Variants in KCNMA1 observed in about 807,000 individuals in gnomAD.
The protein encoded by KCNMA1 is potassium calcium-activated channel subfamily M alpha 1, also known as Calcium-activated potassium channel subunit alpha-1.
In KCNMA1, 29 loss-of-function variants were observed where a neutral mutation model predicts 140.0. That is an observed-to-expected ratio of 0.21 (90% CI 0.15 to 0.28). The LOEUF (loss-of-function observed/expected upper bound fraction) is 0.28, where lower values mean the gene tolerates loss of function less well. KCNMA1 is among the 10% of genes least tolerant of loss of function. The pLI, the probability that KCNMA1 is intolerant of heterozygous loss-of-function variation, is 1.00. For missense variants in KCNMA1, 880 were observed against 1,602.2 expected, an observed-to-expected ratio of 0.55 and a Z score of 7.70; for synonymous variants, 612 against 611.9, an observed-to-expected ratio of 1.00 and a Z score of 0.00.
At chr10:77,247,432 T>C (rs928335803) in intron 3 of KCNMA1, among the ~76,000 whole-genome samples, 2 of 152,004 alleles carry the variant, frequency 1.3e-5, no homozygotes, top group Non-Finnish European at 2.9e-5. Context: ...AGGGAGGAAA[T>C]AGACAAGGAT....
At chr10:77,037,223 ACAGGGC>A (rs1341537750) in intron 15 of KCNMA1, among the ~76,000 whole-genome samples, 1 of 152,212 alleles carries the variant, frequency 6.6e-6, no homozygotes, top group Non-Finnish European at 1.5e-5. Context: ...TCACACAACC[ACAGGGC>A]CAGGCCTGGG....
chr10:77,214,298 G>C (rs116475974), intron 3 of KCNMA1, among the ~76,000 whole-genome samples: 3,056 of 152,132 alleles, frequency 0.02, 106 homozygotes, highest in African/African-American at 0.07. Flanking sequence ...GCACCATCAG[G>C]CTCAGTGGAT....
intron 3 of KCNMA1, among the ~76,000 whole-genome samples, chr10:77,205,830 T>C (rs771112213): frequency 2.6e-5 from 4 of 152,214 alleles, no homozygotes; most frequent in African/African-American, 9.7e-5. Flanking sequence ...TTTTTAAAAG[T>C]CTATGAAATT....
chr10:77,506,596 A>AGTGTGTGTGTGTGTGT (rs796386759), intron 1 of KCNMA1, among the ~76,000 whole-genome samples: 7 of 83,564 alleles, frequency 8.4e-5, no homozygotes, highest in African/African-American at 5.2e-4. Context: ...AGAGAGAGAG[A>AGTGTGTGTGTGTGTGT]GTGTGTGTGT....
intron 1 of KCNMA1, among the ~76,000 whole-genome samples, chr10:77,535,513 T>C (rs538049724): frequency 6.6e-6 from 1 of 152,070 alleles, no homozygotes; most frequent in South Asian, 2.1e-4. Context: ...AAAATAGAAT[T>C]ACCATATGAT....
chr10:77,608,565 T>A (rs1013456129), intron 1 of KCNMA1, among the ~76,000 whole-genome samples: 1 of 152,060 alleles, frequency 6.6e-6, no homozygotes, highest in African/African-American at 2.4e-5. Context: ...GTCCATAGTC[T>A]CTCATCACAC....
At chr10:77,554,028 C>T in intron 1 of KCNMA1, among the ~76,000 whole-genome samples, 1 of 151,664 alleles carries the variant, frequency 6.6e-6, no homozygotes, top group African/African-American at 2.4e-5. Context: ...ATGGGCAGCT[C>T]AGATGTAGGC....
At chr10:77,597,479 C>A (rs892094770) in intron 1 of KCNMA1, among the ~76,000 whole-genome samples, 3 of 151,960 alleles carry the variant, frequency 2.0e-5, no homozygotes, top group Non-Finnish European at 4.4e-5. Flanking sequence ...ACACATACCC[C>A]ATAAATAGGT....
At chr10:77,424,659 T>C (rs2096938393) in intron 1 of KCNMA1, among the ~76,000 whole-genome samples, 1 of 152,106 alleles carries the variant, frequency 6.6e-6, no homozygotes, top group Non-Finnish European at 1.5e-5. Context: ...TACCCAAAAC[T>C]AAATCAAGGT....
rs1218514975 is a variant in KCNMA1 at position 77,637,722 on chromosome 10, C to A, written c.-80G>T. ...CGCCACCCCAAACACCCATCAACAG[C>A]CATATTGCTGCTACTGCTGCCGCCG... On this transcript the variant is annotated 5_prime_UTR_variant, in exon 1 of 28. Transcript: ENST00000286628. 28 of 1,357,810 alleles carry A rather than the reference C, an allele frequency of 2.1e-5. No homozygotes were observed. Among genetic ancestry groups the A allele is most frequent in the Non-Finnish European group, 2.2e-5 (23 of 1,068,322 alleles). The allele number at this position is 1,357,810 out of a possible 1,614,324, so 84.1% of individuals were successfully genotyped here. A position where few individuals can be genotyped will look rare whatever the true frequency, so the allele number is the denominator to read the frequency against.
chr10:77,339,343 G>T (rs902894590), intron 2 of KCNMA1, among the ~76,000 whole-genome samples: 3 of 152,068 alleles, frequency 2.0e-5, no homozygotes, highest in Non-Finnish European at 2.9e-5. Flanking sequence ...CAGCCTCTCT[G>T]CTCCTGTGCT....
At chr10:77,386,508 G>A (rs146525584) in intron 2 of KCNMA1, among the ~76,000 whole-genome samples, 5 of 152,300 alleles carry the variant, frequency 3.3e-5, no homozygotes, top group East Asian at 1.9e-4. Context: ...CTATCCAGTC[G>A]TAGGTTTGCA....
intron 1 of KCNMA1, among the ~76,000 whole-genome samples, chr10:77,488,119 G>C (rs2154537658): frequency 6.6e-6 from 1 of 152,292 alleles, no homozygotes; most frequent in South Asian, 2.1e-4. Flanking sequence ...TCATTAGGTG[G>C]CCCAACGATG....
intron 1 of KCNMA1, among the ~76,000 whole-genome samples, chr10:77,598,431 C>T (rs1403579905): frequency 6.6e-6 from 1 of 152,134 alleles, no homozygotes; most frequent in Non-Finnish European, 1.5e-5. Context: ...TTGACCCGGG[C>T]CTGGGGAAAT....
chr10:77,215,787 G>T (rs756826155), intron 3 of KCNMA1, among the ~76,000 whole-genome samples: 7 of 152,092 alleles, frequency 4.6e-5, no homozygotes, highest in Non-Finnish European at 1.0e-4. Context: ...GGTCTAATGA[G>T]GTCATCATAA....
At chr10:76,950,019 A>G (rs2065661363) in intron 21 of KCNMA1, among the ~76,000 whole-genome samples, 2 of 152,200 alleles carry the variant, frequency 1.3e-5, no homozygotes. Context: ...AAATCAAAAG[A>G]AGACAATGTC....
chr10:77,101,775 C>T (rs1254998335), intron 9 of KCNMA1, among the ~76,000 whole-genome samples: 1 of 152,172 alleles, frequency 6.6e-6, no homozygotes, highest in East Asian at 1.9e-4. Context: ...GAGCAGTCCG[C>T]CCCTTGCAGG....
chr10:77,377,127 C>T (rs1247751971), intron 2 of KCNMA1, among the ~76,000 whole-genome samples: 3 of 152,210 alleles, frequency 2.0e-5, no homozygotes, highest in African/African-American at 4.8e-5. Flanking sequence ...ACAGCCTGGA[C>T]GTGGGAAAGA....
intron 15 of KCNMA1, among the ~76,000 whole-genome samples, chr10:77,038,427 T>G (rs567680821): frequency 6.6e-6 from 1 of 152,366 alleles, no homozygotes; most frequent in East Asian, 1.9e-4. Flanking sequence ...AGAATCCTTG[T>G]CAAATCCTTT....
Sources: gnomAD v4.1 joint callset for allele counts (sites outside exome capture counted in the v4.1 genomes callset) on GRCh38, gnomAD v4.1.1 for gene constraint, MANE v1.5 for transcripts, NCBI Gene and HGNC (gene_info 2026-07-23, HGNC 2026-07-21) for gene names.